The following MSRB3 variants were observed in gnomAD, a reference collection of about 807,000 sequenced individuals.
MSRB3 encodes methionine sulfoxide reductase B3, also known as methionine-R-sulfoxide reductase B3.
A neutral mutation model predicts 21.0 loss-of-function variants in MSRB3; 13 were observed. The ratio of observed to expected loss-of-function variants is 0.62; its 90% CI spans 0.40 to 0.98. MSRB3 has a LOEUF of 0.98. MSRB3 is among the 50% of genes least tolerant of loss of function. The pLI is 0.00. For missense variants in MSRB3, 199 were observed against 230.3 expected (o/e 0.86, Z 0.88); for synonymous variants, 87 against 88.6 (o/e 0.98, Z 0.10).
At chr12:65,412,419 T>C (rs1880763680) in intron 5 of MSRB3, among the ~76,000 whole-genome samples, 1 of 152,194 alleles carries the variant, frequency 6.6e-6, no homozygotes, top group Non-Finnish European at 1.5e-5. Flanking sequence ...GTGTGCTGTA[T>C]TCAAAGGAAC....
rs188878264 is a variant in MSRB3 at position 65,414,556 on chromosome 12, G to A, written c.293-39172G>A. ...CAGGTTTGTAGCCTAGGAGCAATGG[G>A]CGATAGCATGTAGTCGAGGTGTGTA... On this transcript the variant is annotated intron_variant, in intron 5 of 6. Coordinates refer to ENST00000308259, the MANE Select transcript of MSRB3 (RefSeq NM_001031679.3). 6.4e-4 allele frequency among the ~76,000 whole-genome samples: 98 copies of A among 152,264 alleles called. 1 individual carries two copies. In the South Asian group the frequency reaches 6.8e-3, roughly 11 times the overall value.
chr12:65,354,441 C>G (rs1349914134), intron 4 of MSRB3, among the ~76,000 whole-genome samples: 2 of 151,890 alleles, frequency 1.3e-5, no homozygotes, highest in Non-Finnish European at 2.9e-5. Context: ...TCTTTTTTCT[C>G]TAAACTTCTC....
intron 2 of MSRB3, among the ~76,000 whole-genome samples, chr12:65,321,821 C>T (rs1874685623): frequency 6.6e-6 from 1 of 152,204 alleles, no homozygotes; most frequent in East Asian, 1.9e-4. Context: ...ACCAAATTTA[C>T]AGTGAAAAAT....
chr12:65,323,619 G>A (rs966892952), intron 2 of MSRB3, among the ~76,000 whole-genome samples: 1 of 152,178 alleles, frequency 6.6e-6, no homozygotes, highest in African/African-American at 2.4e-5. Context: ...AAATTACCCT[G>A]TGTAATAAGA....
intron 4 of MSRB3, among the ~76,000 whole-genome samples, chr12:65,329,956 A>C (rs1220480876): frequency 6.6e-6 from 1 of 152,148 alleles, no homozygotes; most frequent in Non-Finnish European, 1.5e-5. Context: ...ATTGTCACCC[A>C]TTTCCTCTCA....
At chr12:65,431,702 T>C (rs1881886721) in intron 5 of MSRB3, among the ~76,000 whole-genome samples, 1 of 152,078 alleles carries the variant, frequency 6.6e-6, no homozygotes, top group Non-Finnish European at 1.5e-5. Flanking sequence ...AACATGATAC[T>C]TTTTGACATG....
chr12:65,419,537 C>A lies in MSRB3; in HGVS notation c.293-34191C>A, dbSNP rs1881165688. 3 of 741,546 alleles carry A rather than the reference C, an allele frequency of 4.0e-6. No individual in the cohort carries two copies. In the East Asian group the frequency reaches 7.6e-5, roughly 19 times the overall value. The allele number at this position is 741,546 out of a possible 1,614,324, so 45.9% of individuals were successfully genotyped here. A position where few individuals can be genotyped will look rare whatever the true frequency, so the allele number is the denominator to read the frequency against. On this transcript the variant is annotated intron_variant, in intron 5 of 6. Coordinates refer to ENST00000308259, the MANE Select transcript of MSRB3 (RefSeq NM_001031679.3). Reference sequence around the variant, plus strand: ...GTGTCATACTTGACTCTAAAGGCATCAGCAGCAAGATGGGCATTGTCGATC... The same window carrying A: ...GTGTCATACTTGACTCTAAAGGCATAAGCAGCAAGATGGGCATTGTCGATC...
intron 2 of MSRB3, among the ~76,000 whole-genome samples, chr12:65,317,048 TAAACTA>T (rs1306592368): frequency 1.3e-5 from 2 of 151,934 alleles, no homozygotes; most frequent in African/African-American, 4.8e-5. Flanking sequence ...AATGGACAAA[TAAACTA>T]AAGGAGGAAG....
intron 1 of MSRB3, among the ~76,000 whole-genome samples, chr12:65,305,997 T>G (rs902473439): frequency 6.6e-6 from 1 of 152,204 alleles, no homozygotes; most frequent in Non-Finnish European, 1.5e-5. Flanking sequence ...CCAAGCACTT[T>G]TAACCAATTA....
chr12:65,289,771 TC>T (rs1872574768), intron 1 of MSRB3, among the ~76,000 whole-genome samples: 1 of 152,174 alleles, frequency 6.6e-6, no homozygotes, highest in South Asian at 2.1e-4. Context: ...GATGTTTAGC[TC>T]CCACTTAGAA....
chr12:65,352,565 C>G (rs1877086699), intron 4 of MSRB3, among the ~76,000 whole-genome samples: 1 of 151,806 alleles, frequency 6.6e-6, no homozygotes, highest in African/African-American at 2.4e-5. Flanking sequence ...CTAGAAAACC[C>G]CATTGTCTCA....
chr12:65,345,705 A>G (rs1278525812), intron 4 of MSRB3, among the ~76,000 whole-genome samples: 1 of 152,120 alleles, frequency 6.6e-6, no homozygotes, highest in Non-Finnish European at 1.5e-5. Context: ...AACATTAGGT[A>G]TATCTCCTAA....
At chr12:65,450,897 A>G (rs1882826994) in intron 5 of MSRB3, among the ~76,000 whole-genome samples, 1 of 152,210 alleles carries the variant, frequency 6.6e-6, no homozygotes, top group South Asian at 2.1e-4. Flanking sequence ...AAGTGCTGTC[A>G]TCACTGTGGC....
At chr12:65,347,589 C>T (rs1008475321) in intron 4 of MSRB3, among the ~76,000 whole-genome samples, 2 of 152,154 alleles carry the variant, frequency 1.3e-5, no homozygotes, top group African/African-American at 4.8e-5. Context: ...CTTTCTCCTG[C>T]CTAATTGCCC....
chr12:65,397,142 G>A (rs909598046), intron 5 of MSRB3, among the ~76,000 whole-genome samples: 3 of 151,998 alleles, frequency 2.0e-5, no homozygotes, highest in African/African-American at 4.8e-5. Context: ...AATTTTCTTT[G>A]AGCTGAAGTT....
intron 5 of MSRB3, among the ~76,000 whole-genome samples, chr12:65,438,720 G>C (rs2136676136): frequency 6.6e-6 from 1 of 151,886 alleles, no homozygotes; most frequent in Admixed American, 6.6e-5. Context: ...AAGGGAAGCA[G>C]AAAAGGGAGG....
chr12:65,454,234 G>A, intron 6 of MSRB3: 1 of 376,716 alleles, frequency 2.7e-6, no homozygotes, highest in Non-Finnish European at 5.0e-6. Context: ...GCTGCAGTGA[G>A]CTGTGATCAT....
At chr12:65,296,168 T>G (rs988234217) in intron 1 of MSRB3, among the ~76,000 whole-genome samples, 1 of 152,240 alleles carries the variant, frequency 6.6e-6, no homozygotes, top group African/African-American at 2.4e-5. Context: ...TCAAATATAA[T>G]GATTTCTCTG....
At chr12:65,281,116 C>T (rs1321237015) in intron 1 of MSRB3, among the ~76,000 whole-genome samples, 1 of 152,136 alleles carries the variant, frequency 6.6e-6, no homozygotes, top group Non-Finnish European at 1.5e-5. Flanking sequence ...GTGGTCTCAG[C>T]TACTTGGGAA....
Sources: gnomAD v4.1 joint callset for allele counts (sites outside exome capture counted in the v4.1 genomes callset) on GRCh38, gnomAD v4.1.1 for gene constraint, MANE v1.5 for transcripts, NCBI Gene and HGNC (gene_info 2026-07-23, HGNC 2026-07-21) for gene names.